The following SLC25A21 variants were observed in gnomAD, a reference collection of about 807,000 sequenced individuals.
The protein encoded by SLC25A21 is solute carrier family 25 member 21.
In SLC25A21, 47 loss-of-function variants were observed where a neutral mutation model predicts 43.8. That is an observed-to-expected ratio of 1.07 (90% confidence interval 0.85 to 1.37). The LOEUF is 1.37. Among genes scored for constraint, SLC25A21 ranks in the 40% most tolerant of loss-of-function variants. The pLI is 0.00. For missense variants in SLC25A21, 352 were observed against 350.2 expected (o/e 1.00, Z -0.04); for synonymous variants, 131 against 121.3 (o/e 1.08, Z -0.52).
chr14:36,872,666 C>T (rs1402253823), intron 2 of SLC25A21, among the ~76,000 whole-genome samples: 1 of 152,204 alleles, frequency 6.6e-6, no homozygotes, highest in Non-Finnish European at 1.5e-5. Context: ...TCCAATTCCC[C>T]TCTCCTTCGG....
intron 7 of SLC25A21, among the ~76,000 whole-genome samples, chr14:36,693,371 T>G (rs1882876409): frequency 6.6e-6 from 1 of 152,124 alleles, no homozygotes; most frequent in South Asian, 2.1e-4. Flanking sequence ...TGTGGAAGGC[T>G]TGCTCAATGG....
chr14:36,953,621 T>C (rs1959249357), intron 1 of SLC25A21, among the ~76,000 whole-genome samples: 1 of 152,238 alleles, frequency 6.6e-6, no homozygotes. Context: ...TAAAAGTTAG[T>C]GTTCCTTACT....
rs116195454 is a variant in SLC25A21, at chr14:36,975,966, C to T, written c.71-100962G>A. Among the ~76,000 whole-genome samples the T allele has an allele frequency of 8.5e-3, 1,290 of 152,268 alleles. 15 individuals are homozygous for T. The highest frequency in any genetic ancestry group is 0.03 in the African/African-American group (1,236 of 41,566). On this transcript the variant is annotated intron_variant, in intron 1 of 9. Transcript: ENST00000331299. ...TGCGGGAGGCCGACTCTCAGGCAGTCGCTTGCCAGGCAGTGTCAATGTAAA... is the reference window on the plus strand; with the variant it reads ...TGCGGGAGGCCGACTCTCAGGCAGTTGCTTGCCAGGCAGTGTCAATGTAAA...
chr14:36,769,898 A>G (rs1389355893), intron 3 of SLC25A21, among the ~76,000 whole-genome samples: 1 of 152,186 alleles, frequency 6.6e-6, no homozygotes, highest in East Asian at 1.9e-4. Flanking sequence ...TTAGTGTTGT[A>G]TCCTCACAGG....
chr14:36,926,461 G>A (rs933438910), intron 1 of SLC25A21, among the ~76,000 whole-genome samples: 1 of 152,034 alleles, frequency 6.6e-6, no homozygotes, highest in Non-Finnish European at 1.5e-5. Context: ...AAAGACCTTA[G>A]GAAGAAGAAG....
intron 3 of SLC25A21, among the ~76,000 whole-genome samples, chr14:36,798,926 G>C (rs1055381497): frequency 6.6e-6 from 1 of 152,070 alleles, no homozygotes; most frequent in Non-Finnish European, 1.5e-5. Flanking sequence ...GACAGAGAGA[G>C]AGAGAAAGAG....
chr14:37,128,989 C>T (rs574437371), intron 1 of SLC25A21, among the ~76,000 whole-genome samples: 6 of 152,176 alleles, frequency 3.9e-5, no homozygotes, highest in African/African-American at 1.4e-4. Flanking sequence ...TTAATTAAAA[C>T]TAAATAAAAT....
intron 2 of SLC25A21, among the ~76,000 whole-genome samples, chr14:36,833,028 T>G (rs1889090441): frequency 6.6e-6 from 1 of 152,132 alleles, no homozygotes; most frequent in Non-Finnish European, 1.5e-5. Context: ...AGAAGTTCAT[T>G]ATGGTTAAAT....
At chr14:36,854,681 G>A (rs1164229911) in intron 2 of SLC25A21, among the ~76,000 whole-genome samples, 1 of 152,156 alleles carries the variant, frequency 6.6e-6, no homozygotes, top group Admixed American at 6.5e-5. Context: ...ATAATAAATG[G>A]TAGTCTGGTG....
Position 37,137,540 on chromosome 14 carries a change from T to C in SLC25A21, c.70+34741A>G, listed in dbSNP as rs1337848233. Among the ~76,000 whole-genome samples the C allele has an allele frequency of 4.6e-5, 7 of 152,232 alleles. No homozygotes were observed. The East Asian group carries it at 1.3e-3, about 29-fold the overall frequency. On this transcript the variant is annotated intron_variant, in intron 1 of 9. Transcript: ENST00000331299. ...ATTGTTTATAAGATGTATAAGATTG[T>C]ATTAAGATAAAATATAAAGTAAATA...
chr14:36,996,177 A>C (rs1412826502), intron 1 of SLC25A21, among the ~76,000 whole-genome samples: 1 of 152,116 alleles, frequency 6.6e-6, no homozygotes, highest in East Asian at 1.9e-4. Context: ...TCTTTTGGTT[A>C]ATGCCCTCAT....
intron 7 of SLC25A21, among the ~76,000 whole-genome samples, chr14:36,708,035 G>C (rs1033609398): frequency 2.0e-5 from 3 of 152,292 alleles, no homozygotes; most frequent in South Asian, 4.2e-4. Context: ...TCTGAGGTGG[G>C]AGGATCATTT....
chr14:36,933,765 TC>T lies in SLC25A21; in HGVS notation c.71-58762del, dbSNP rs544191911. ...TCCTGATCAGGGAAATAACAAACTCTCTGCTAGATCACAGTATTTCTTTCTC... is the reference window on the plus strand; with the variant it reads ...TCCTGATCAGGGAAATAACAAACTCTTGCTAGATCACAGTATTTCTTTCTC... On this transcript the variant is annotated intron_variant, in intron 1 of 9. Transcript: ENST00000331299. Among the ~76,000 whole-genome samples the T allele has an allele frequency of 1.6e-4, 25 of 152,310 alleles. No homozygotes were observed. The East Asian group carries it at 4.0e-3, about 25-fold the overall frequency.
intron 2 of SLC25A21, among the ~76,000 whole-genome samples, chr14:36,843,921 T>C (rs1272230965): frequency 6.6e-6 from 1 of 152,234 alleles, no homozygotes; most frequent in Non-Finnish European, 1.5e-5. Flanking sequence ...CCTAACCTGT[T>C]GTCTTTCAAG....
intron 1 of SLC25A21, among the ~76,000 whole-genome samples, chr14:36,896,850 A>T (rs1322784531): frequency 6.6e-6 from 1 of 152,178 alleles, no homozygotes; most frequent in Non-Finnish European, 1.5e-5. Flanking sequence ...TTTCTTTAAG[A>T]ATGTTGAATA....
intron 1 of SLC25A21, among the ~76,000 whole-genome samples, chr14:36,982,641 C>T (rs1333030553): frequency 1.3e-5 from 2 of 151,938 alleles, no homozygotes; most frequent in African/African-American, 4.8e-5. Flanking sequence ...ATGGCAAAAC[C>T]CTGTCTCTAT....
intron 1 of SLC25A21, among the ~76,000 whole-genome samples, chr14:36,967,955 T>C (rs1959657980): frequency 6.6e-6 from 1 of 152,132 alleles, no homozygotes; most frequent in South Asian, 2.1e-4. Flanking sequence ...AAGGACACCG[T>C]CCTATAAGCA....
chr14:37,081,445 C>G (rs1566867077), intron 1 of SLC25A21, among the ~76,000 whole-genome samples: 2 of 152,168 alleles, frequency 1.3e-5, no homozygotes, highest in Non-Finnish European at 2.9e-5. Flanking sequence ...ATGACCAGCA[C>G]TCAATACACT....
At chr14:37,061,157 G>A (rs1961940327) in intron 1 of SLC25A21, among the ~76,000 whole-genome samples, 2 of 152,110 alleles carry the variant, frequency 1.3e-5, no homozygotes. Context: ...TTGTAAATAG[G>A]AAGAACACCT....
Sources: gnomAD v4.1 joint callset for allele counts (sites outside exome capture counted in the v4.1 genomes callset) on GRCh38, gnomAD v4.1.1 for gene constraint, MANE v1.5 for transcripts, NCBI Gene and HGNC (gene_info 2026-07-23, HGNC 2026-07-21) for gene names.